Variants in CMKLR1 observed in about 807,000 individuals in gnomAD.
The protein encoded by CMKLR1 is chemerin chemokine-like receptor 1.
CMKLR1 carries 6 observed loss-of-function variants against 8.2 expected under a neutral mutation model. The ratio of observed to expected loss-of-function variants is 0.73; its 90% CI spans 0.40 to 1.44. The LOEUF is 1.44. Among genes scored for constraint, CMKLR1 ranks in the 40% most tolerant of loss-of-function variants. The pLI is 0.02. For synonymous variants in CMKLR1, 178 were observed against 181.2 expected (o/e 0.98, Z 0.14); for missense variants, 429 against 478.0 (o/e 0.90, Z 0.96).
rs368445045 is a variant in CMKLR1, at chr12:108,308,475, G to A, written c.-73-14811C>T. Among the ~76,000 whole-genome samples, 378 of 149,208 alleles carry A rather than the reference G, an allele frequency of 2.5e-3. No homozygotes were observed. The Middle Eastern group carries it at 0.031, about 12-fold the overall frequency. On this transcript the variant is annotated intron_variant, in intron 2 of 3. Transcript: ENST00000550402. ...GCCCCGCCCGGACCTCTCGCTGGCC[G>A]CTCAACAGCCTGTTCCCTGCAGGCC...
Position 108,338,999 on chromosome 12 carries a change from G to A in CMKLR1, c.-287+28C>T, listed in dbSNP as rs1250137561. 5 of 152,284 alleles carry A rather than the reference G, an allele frequency of 3.3e-5. No homozygotes were observed. The East Asian group carries it at 5.8e-4, about 18-fold the overall frequency. 9.4% of individuals were successfully genotyped at this position (152,284 alleles called of 1,614,324 possible). A position where few individuals can be genotyped will look rare whatever the true frequency, so the allele number is the denominator to read the frequency against. Reference sequence around the variant, plus strand: ...TCCCCTTCCCTGGCCCCCCTCAGAAGACACCCAAGGCAAGTGTGTGATGAT... The same window carrying A: ...TCCCCTTCCCTGGCCCCCCTCAGAAAACACCCAAGGCAAGTGTGTGATGAT... On this transcript the variant is annotated intron_variant, in intron 1 of 3. Transcript: ENST00000550402.
intron 2 of CMKLR1, among the ~76,000 whole-genome samples, chr12:108,313,051 A>C (rs1429021731): frequency 2.0e-5 from 3 of 152,046 alleles, no homozygotes; most frequent in Non-Finnish European, 4.4e-5. Context: ...GCCCCTTGGA[A>C]TTCCCTGGCT....
In CMKLR1 at chr12:108,303,178, TAAC is replaced by T. The variant is rs891428127; in HGVS notation, c.-73-9517_-73-9515del. On this transcript the variant is annotated intron_variant, in intron 2 of 3. Transcript: ENST00000550402. ...ATGAACTTGGACCGGCCAAAGGAAG[TAAC>T]AACGTCAGCCCAGCCAGGAGAGGCT... 9.2e-5 allele frequency among the ~76,000 whole-genome samples: 14 copies of T among 152,176 alleles called. 1 individual carries two copies. Among genetic ancestry groups the T allele is most frequent in the Admixed American group, 7.2e-4 (11 of 15,284 alleles).
At chr12:108,334,661 A>G (rs1041719390) in intron 1 of CMKLR1, among the ~76,000 whole-genome samples, 2 of 152,244 alleles carry the variant, frequency 1.3e-5, no homozygotes. Context: ...GTACACGTAC[A>G]TGAACACCAA....
intron 2 of CMKLR1, among the ~76,000 whole-genome samples, chr12:108,308,565 G>C (rs1891468920): frequency 6.6e-6 from 1 of 152,192 alleles, no homozygotes; most frequent in African/African-American, 2.4e-5. Flanking sequence ...CATCACTGTA[G>C]GAAGTGTGCT....
At chr12:108,314,109 G>A (rs537630104) in intron 2 of CMKLR1, among the ~76,000 whole-genome samples, 17 of 152,242 alleles carry the variant, frequency 1.1e-4, no homozygotes, top group Non-Finnish European at 1.9e-4. Flanking sequence ...CTTAATTATT[G>A]GCGTGATGCA....
chr12:108,315,953 T>C (rs1214113230), intron 2 of CMKLR1, among the ~76,000 whole-genome samples: 2 of 152,136 alleles, frequency 1.3e-5, no homozygotes, highest in Non-Finnish European at 2.9e-5. Context: ...CTGCTTACTG[T>C]TGGGTGAGTG....
intron 2 of CMKLR1, among the ~76,000 whole-genome samples, chr12:108,329,271 G>A (rs972773379): frequency 1.1e-4 from 17 of 152,096 alleles, no homozygotes; most frequent in Admixed American, 7.9e-4. Flanking sequence ...GGAGCATTCC[G>A]ACCTCCTCCT....
intron 2 of CMKLR1, among the ~76,000 whole-genome samples, chr12:108,324,834 G>GTGCTGGGTGCAGGAA (rs1477254737): frequency 3.3e-5 from 2 of 59,966 alleles, no homozygotes; most frequent in African/African-American, 1.6e-4. Flanking sequence ...CACCCACAAT[G>GTGCTGGGTGCAGGAA]TGGTGGGTGG....
intron 2 of CMKLR1, among the ~76,000 whole-genome samples, chr12:108,315,625 C>T (rs1891702301): frequency 6.6e-6 from 1 of 152,316 alleles, no homozygotes; most frequent in East Asian, 1.9e-4. Flanking sequence ...AAAATGGAGG[C>T]TCAGAAAGGC....
At chr12:108,310,553 T>G (rs78682440) in intron 2 of CMKLR1, among the ~76,000 whole-genome samples, 5 of 152,150 alleles carry the variant, frequency 3.3e-5, no homozygotes, top group Non-Finnish European at 5.9e-5. Flanking sequence ...TTCTTAAGGA[T>G]TTTTCCTCAG....
At position 108,291,539 on chromosome 12, in the gene CMKLR1, T is replaced by C. The variant is rs1890964837; in HGVS notation, c.*302A>G. ...TAGGCAGCTTAATCCCACCGCCCTA[T>C]GCCAATCCCAGTTCATGGCAATGCT... On this transcript the variant is annotated 3_prime_UTR_variant, in exon 4 of 4. Transcript: ENST00000550402. The C allele has an allele frequency of 8.2e-6, 3 of 365,282 alleles. No individual in the cohort carries two copies. Among genetic ancestry groups the C allele is most frequent in the Middle Eastern group, 8.0e-4 (1 of 1,254 alleles). 22.6% of individuals were successfully genotyped at this position (365,282 alleles called of 1,614,324 possible). A position where few individuals can be genotyped will look rare whatever the true frequency, so the allele number is the denominator to read the frequency against.
intron 1 of CMKLR1, among the ~76,000 whole-genome samples, chr12:108,337,954 G>C (rs1440647780): frequency 1.3e-5 from 2 of 152,180 alleles, no homozygotes; most frequent in Non-Finnish European, 2.9e-5. Context: ...GATTGGTCTT[G>C]AGAAGGAGGT....
At chr12:108,311,345 T>G (rs573439367) in intron 2 of CMKLR1, among the ~76,000 whole-genome samples, 3 of 152,342 alleles carry the variant, frequency 2.0e-5, no homozygotes, top group Non-Finnish European at 4.4e-5. Flanking sequence ...CTGGGCACAG[T>G]GGCTCATGCC....
At chr12:108,327,632 G>C (rs936533049) in intron 2 of CMKLR1, among the ~76,000 whole-genome samples, 1 of 152,222 alleles carries the variant, frequency 6.6e-6, no homozygotes, top group Admixed American at 6.5e-5. Context: ...CAGCAGGTAG[G>C]TACTTGGCTT....
chr12:108,331,642 G>A (rs1382357560), intron 1 of CMKLR1, among the ~76,000 whole-genome samples: 1 of 152,200 alleles, frequency 6.6e-6, no homozygotes, highest in African/African-American at 2.4e-5. Flanking sequence ...ATCTTGAGAT[G>A]GTGGGATTAT....
intron 2 of CMKLR1, among the ~76,000 whole-genome samples, chr12:108,295,208 C>G (rs1302067011): frequency 1.3e-5 from 2 of 152,222 alleles, no homozygotes; most frequent in Non-Finnish European, 2.9e-5. Flanking sequence ...AGCCCTCAGT[C>G]CAGATGGTCT....
At chr12:108,306,681 A>T (rs1891416818) in intron 2 of CMKLR1, among the ~76,000 whole-genome samples, 1 of 152,018 alleles carries the variant, frequency 6.6e-6, no homozygotes, top group African/African-American at 2.4e-5. Context: ...ACCTCTTAGC[A>T]CCTCCTTGTT....
At chr12:108,314,081 A>AT (rs1178016109) in intron 2 of CMKLR1, among the ~76,000 whole-genome samples, 1 of 152,172 alleles carries the variant, frequency 6.6e-6, no homozygotes, top group Non-Finnish European at 1.5e-5. Flanking sequence ...AGGTTTGTCG[A>AT]TTTTTTATTT....
Sources: gnomAD v4.1 joint callset for allele counts (sites outside exome capture counted in the v4.1 genomes callset) on GRCh38, gnomAD v4.1.1 for gene constraint, MANE v1.5 for transcripts, NCBI Gene and HGNC (gene_info 2026-07-23, HGNC 2026-07-21) for gene names.